The following AGBL1 variants were observed in gnomAD, a reference collection of about 807,000 sequenced individuals.
AGBL1 encodes the protein AGBL carboxypeptidase 1.
Under a neutral mutation model 118.9 loss-of-function variants are expected in AGBL1, and 130 were observed. The observed-to-expected ratio is 1.09, with a 90% CI of 0.95 to 1.26. AGBL1 has a LOEUF of 1.26. AGBL1 is among the 50% of genes most tolerant of loss of function. The pLI, the probability that AGBL1 is intolerant of heterozygous loss-of-function variation, is 0.00. For missense variants in AGBL1, 1,584 were observed against 1,298.1 expected (o/e 1.22, Z -3.38); for synonymous variants, 555 against 478.9 (o/e 1.16, Z -2.08).
At chr15:86,461,869 T>C (rs994186056) in intron 18 of AGBL1, among the ~76,000 whole-genome samples, 14 of 152,216 alleles carry the variant, frequency 9.2e-5, no homozygotes, top group Admixed American at 3.3e-4. Flanking sequence ...TCACCCACCA[T>C]GTTTGCTTAT....
At chr15:86,295,125 G>A (rs968334520) in intron 16 of AGBL1, 130 bp from the exon 17 acceptor site, 21 of 1,087,744 alleles carry the variant, frequency 1.9e-5, no homozygotes, top group Non-Finnish European at 2.6e-5. Flanking sequence ...ATCACTCAAG[G>A]CCCAATACAT....
chr15:86,683,435 T>G (rs1287033800), intron 22 of AGBL1, among the ~76,000 whole-genome samples: 1 of 152,178 alleles, frequency 6.6e-6, no homozygotes, highest in Admixed American at 6.5e-5. Flanking sequence ...CATACTGCAT[T>G]TGCTGCTTCC....
At position 86,167,348 on chromosome 15, in the gene AGBL1, C is replaced by T. The variant is rs542693470; in HGVS notation, c.488+8322C>T. 7.2e-5 allele frequency among the ~76,000 whole-genome samples: 11 copies of T among 151,908 alleles called. No individual in the cohort carries two copies. In the East Asian group the frequency reaches 7.8e-4, roughly 11 times the overall value. On this transcript the variant is annotated intron_variant, in intron 5 of 22. Coordinates refer to ENST00000614907, the MANE Select transcript of AGBL1 (RefSeq NM_001386094.1). ...GCAACCTCCACCTCCTGGGTTCAAGCGATTGTCCTGCCTCAGCCTCCCAAG... is the reference window on the plus strand; with the variant it reads ...GCAACCTCCACCTCCTGGGTTCAAGTGATTGTCCTGCCTCAGCCTCCCAAG...
intron 22 of AGBL1, among the ~76,000 whole-genome samples, chr15:86,718,598 CA>C (rs1316392976): frequency 6.6e-6 from 1 of 152,044 alleles, no homozygotes; most frequent in Admixed American, 6.6e-5. Flanking sequence ...AACAAAGCGG[CA>C]GTCAGAAGGA....
chr15:86,140,786 A>T (rs1297258666), intron 1 of AGBL1, among the ~76,000 whole-genome samples: 5 of 152,180 alleles, frequency 3.3e-5, no homozygotes, highest in African/African-American at 9.6e-5. Context: ...TCAAAGTTAC[A>T]GAGGCATGAA....
intron 22 of AGBL1, among the ~76,000 whole-genome samples, chr15:86,836,124 A>T (rs182512776): frequency 1.3e-5 from 2 of 152,296 alleles, no homozygotes; most frequent in East Asian, 3.9e-4. Flanking sequence ...TTATACAGCT[A>T]AACAGAGATT....
intron 22 of AGBL1, among the ~76,000 whole-genome samples, chr15:86,721,568 TG>T (rs1291739760): frequency 7.9e-5 from 12 of 152,302 alleles, no homozygotes; most frequent in African/African-American, 2.9e-4. Flanking sequence ...GGGCAAAAAC[TG>T]GAAGTATTCC....
chr15:86,898,145 T>G (rs1478454657), intron 22 of AGBL1, among the ~76,000 whole-genome samples: 1 of 152,158 alleles, frequency 6.6e-6, no homozygotes, highest in Non-Finnish European at 1.5e-5. Context: ...AAAAAACTTC[T>G]CCAGAGTTTT....
downstream of AGBL1, among the ~76,000 whole-genome samples, chr15:87,029,348 C>T (rs1193418635): frequency 3.3e-5 from 5 of 151,818 alleles, no homozygotes; most frequent in Non-Finnish European, 7.4e-5. Flanking sequence ...TCAATTTAAA[C>T]ATAGACCAAA....
intron 17 of AGBL1, among the ~76,000 whole-genome samples, chr15:86,350,770 G>A (rs749605500): frequency 6.6e-6 from 1 of 152,188 alleles, no homozygotes; most frequent in Non-Finnish European, 1.5e-5. Context: ...ATATTACATG[G>A]TAATCCAGAA....
At chr15:86,191,367 AAAAGAGAGAG>A (rs1220081101) in intron 5 of AGBL1, among the ~76,000 whole-genome samples, 1 of 150,078 alleles carries the variant, frequency 6.7e-6, no homozygotes, top group Non-Finnish European at 1.5e-5. Context: ...AAAAAAAAAA[AAAAGAGAGAG>A]AGAGAAATTA....
chr15:86,546,191 C>A, intron 20 of AGBL1, 58 bp downstream of exon 20: 1 of 1,489,810 alleles, frequency 6.7e-7, no homozygotes, highest in Non-Finnish European at 9.0e-7. Flanking sequence ...TCATTCTTAC[C>A]TTTAAGACCA....
At position 86,970,917 on chromosome 15, in the gene AGBL1, T is replaced by G. The variant is rs143729848; in HGVS notation, c.3222-17070T>G. On this transcript the variant is annotated intron_variant, in intron 23 of 24. Coordinates refer to the AGBL1 transcript ENST00000441037. ...CAATATACAAATAAGATCAATACAT[T>G]TAACCACTATTTGCATGTCACTTCC... Among the ~76,000 whole-genome samples, 210 of 152,122 alleles carry G rather than the reference T, an allele frequency of 1.4e-3. 1 individual carries two copies. Among genetic ancestry groups the G allele is most frequent in the African/African-American group, 4.8e-3 (201 of 41,528 alleles).
chr15:86,758,174 T>C (rs556538158), intron 22 of AGBL1, among the ~76,000 whole-genome samples: 37 of 152,232 alleles, frequency 2.4e-4, no homozygotes, highest in Admixed American at 1.4e-3. Context: ...TGCCTTCCCC[T>C]GCCACATGTG....
intron 17 of AGBL1, among the ~76,000 whole-genome samples, chr15:86,369,591 A>T (rs1191702857): frequency 2.0e-5 from 3 of 152,186 alleles, no homozygotes; most frequent in African/African-American, 7.2e-5. Flanking sequence ...AATAAAAATA[A>T]TTGGGTTAAA....
intron 21 of AGBL1, among the ~76,000 whole-genome samples, chr15:86,590,095 A>G (rs550948069): frequency 2.6e-5 from 4 of 152,298 alleles, no homozygotes; most frequent in South Asian, 2.1e-4. Context: ...TGGCCTCCCC[A>G]GTGGGCTGCA....
chr15:86,282,755 A>G (rs2079375176), intron 16 of AGBL1, among the ~76,000 whole-genome samples: 1 of 152,216 alleles, frequency 6.6e-6, no homozygotes, highest in Non-Finnish European at 1.5e-5. Context: ...GATAAATTAA[A>G]TGCGAATGAT....
intron 18 of AGBL1, among the ~76,000 whole-genome samples, chr15:86,432,294 T>A (rs1315487610): frequency 6.6e-6 from 1 of 152,222 alleles, no homozygotes; most frequent in Non-Finnish European, 1.5e-5. Context: ...ATCCCATCCA[T>A]GACATCACAT....
At chr15:86,887,864 T>A (rs1596594413) in intron 22 of AGBL1, among the ~76,000 whole-genome samples, 2 of 152,226 alleles carry the variant, frequency 1.3e-5, no homozygotes, top group Middle Eastern at 3.4e-3. Flanking sequence ...CCCCTCTGGA[T>A]CCTTGGATAA....
Sources: allele counts gnomAD v4.1 joint callset (sites outside exome capture counted in the v4.1 genomes callset), GRCh38; gene constraint gnomAD v4.1.1; transcripts MANE v1.5; gene names NCBI Gene and HGNC (gene_info 2026-07-23, HGNC 2026-07-21).